FBXO4: variants seen among roughly 807,000 people sequenced by gnomAD.
The protein encoded by FBXO4 is F-box only protein 4.
Under a neutral mutation model 43.7 loss-of-function variants are expected in FBXO4, and 36 were observed. The ratio of observed to expected loss-of-function variants is 0.82; its 90% CI spans 0.63 to 1.09. The LOEUF (loss-of-function observed/expected upper bound fraction) is 1.09, where lower values mean the gene tolerates loss of function less well. FBXO4 is among the 50% of genes least tolerant of loss of function. The pLI, the probability that FBXO4 is intolerant of heterozygous loss-of-function variation, is 0.00. For synonymous variants in FBXO4, 180 were observed against 165.6 expected, an observed-to-expected ratio of 1.09 and a Z score of -0.67; for missense variants, 435 against 474.1, an observed-to-expected ratio of 0.92 and a Z score of 0.77.
chr5:42,028,586 C>A, the FBXO4 span, among the ~76,000 whole-genome samples: 12 of 151,362 alleles, frequency 7.9e-5, no homozygotes, highest in African/African-American at 2.9e-4. Context: ...TCTGGTTGTC[C>A]TGTGCTCATC....
At chr5:42,017,247 A>T in the FBXO4 span, among the ~76,000 whole-genome samples, 1 of 152,044 alleles carries the variant, frequency 6.6e-6, no homozygotes, top group African/African-American at 2.4e-5. Context: ...AAGAAAGAAA[A>T]AACTTAAAAA....
At chr5:42,005,165 C>G in the FBXO4 span, among the ~76,000 whole-genome samples, 4 of 152,102 alleles carry the variant, frequency 2.6e-5, no homozygotes, top group African/African-American at 7.2e-5. Context: ...GAAGATACAG[C>G]CGGAGAACCT....
In FBXO4 at chr5:41,941,491, C is replaced by CA; in HGVS notation, c.*214dup. On this transcript the variant is annotated 3_prime_UTR_variant, in exon 7 of 7. Coordinates refer to ENST00000281623, the MANE Select transcript of FBXO4 (RefSeq NM_012176.3). ...GAGTTTCAGTCCTAGTATTTAGCCC[C>CA]AAAATGAACCTTTAAACATTTTTTT... 1 of 316,028 alleles carries CA rather than the reference C, an allele frequency of 3.2e-6. No individual in the cohort carries two copies. Among genetic ancestry groups the CA allele is most frequent in the East Asian group, 5.0e-5 (1 of 20,050 alleles). 19.6% of individuals were successfully genotyped at this position (316,028 alleles called of 1,614,324 possible).
At chr5:41,944,746 A>T (rs549847973), downstream of FBXO4, among the ~76,000 whole-genome samples, 22 of 152,342 alleles carry the variant, frequency 1.4e-4, no homozygotes, top group Non-Finnish European at 3.1e-4. Context: ...AGCAATTTAG[A>T]GCCATTAGCA....
At chr5:41,992,457 A>G in the FBXO4 span, among the ~76,000 whole-genome samples, 1 of 152,138 alleles carries the variant, frequency 6.6e-6, no homozygotes, top group Non-Finnish European at 1.5e-5. Flanking sequence ...TTCCATTGCT[A>G]AAAGGAAAAA....
chr5:42,025,568 TG>T, the FBXO4 span, among the ~76,000 whole-genome samples: 4 of 152,080 alleles, frequency 2.6e-5, no homozygotes, highest in African/African-American at 9.6e-5. Context: ...TATTCATTTT[TG>T]CTTTGGTTGC....
chr5:41,992,466 A>G, the FBXO4 span, among the ~76,000 whole-genome samples: 1 of 152,302 alleles, frequency 6.6e-6, no homozygotes, highest in East Asian at 1.9e-4. Context: ...TAAAAGGAAA[A>G]ATGGAGAAGC....
At chr5:41,931,783 C>G (rs973537070) in intron 3 of FBXO4, among the ~76,000 whole-genome samples, 3 of 152,118 alleles carry the variant, frequency 2.0e-5, no homozygotes, top group African/African-American at 7.2e-5. Context: ...GAGACAGGTG[C>G]TGAAATGTTC....
chr5:41,982,403 C>T, the FBXO4 span, among the ~76,000 whole-genome samples: 2 of 152,110 alleles, frequency 1.3e-5, no homozygotes, highest in African/African-American at 4.8e-5. Flanking sequence ...ACATCCTTTC[C>T]AGCTCCTGTT....
chr5:41,927,038 C>T lies in FBXO4; in HGVS notation c.215C>T (p.Ser72Phe), dbSNP rs1483433481. ...LPIDVQLYILSFLSPHDLCQL... is the reference protein window; with the variant it reads ...LPIDVQLYILFFLSPHDLCQL... Reference sequence around the variant, plus strand: ...ATTGATGTACAGCTATATATTTTGTCCTTTCTTTCACCTCATGATCTGTGT... The same window carrying T: ...ATTGATGTACAGCTATATATTTTGTTCTTTCTTTCACCTCATGATCTGTGT... Residue 72 changes from serine (S) to phenylalanine (F), a missense_variant, in exon 2 of 7, where the codon TCC becomes TTC. Physicochemically the swap from Ser to Phe is radical, Grantham distance 155. Coordinates refer to ENST00000281623, the MANE Select transcript of FBXO4 (RefSeq NM_012176.3). The T allele has an allele frequency of 1.2e-6, 2 of 1,610,586 alleles. No homozygotes were observed. The highest frequency in any genetic ancestry group is 1.3e-5 in the African/African-American group (1 of 74,718).
chr5:42,007,504 A>T, the FBXO4 span, among the ~76,000 whole-genome samples: 1 of 152,112 alleles, frequency 6.6e-6, no homozygotes, highest in Non-Finnish European at 1.5e-5. Flanking sequence ...TACTAACTAC[A>T]TATTATCCGT....
intron 5 of FBXO4, among the ~76,000 whole-genome samples, chr5:41,938,882 G>T (rs190526189): frequency 6.6e-6 from 1 of 152,176 alleles, no homozygotes; most frequent in African/African-American, 2.4e-5. Flanking sequence ...CAGCAATGGA[G>T]AATCTCCCTG....
chr5:42,034,144 T>G, the FBXO4 span, among the ~76,000 whole-genome samples: 1 of 152,240 alleles, frequency 6.6e-6, no homozygotes, highest in Admixed American at 6.5e-5. Context: ...TCATGTTTGT[T>G]GGCTGCATAA....
chr5:41,942,291 A>T (rs1752018034), downstream of FBXO4, among the ~76,000 whole-genome samples: 1 of 152,108 alleles, frequency 6.6e-6, no homozygotes, highest in African/African-American at 2.4e-5. Context: ...CAGAATGTTT[A>T]CTTAGATATT....
chr5:41,961,305 T>G, the FBXO4 span, among the ~76,000 whole-genome samples: 1 of 152,102 alleles, frequency 6.6e-6, no homozygotes, highest in African/African-American at 2.4e-5. Flanking sequence ...TTTCTCTCAC[T>G]GGGGAAGTTG....
In FBXO4 at chr5:41,933,825, A is replaced by G. The variant is rs571836740; in HGVS notation, c.647-121A>G. 85 of 681,690 alleles carry G rather than the reference A, an allele frequency of 1.2e-4. No homozygotes were observed. In the African/African-American group the frequency reaches 1.4e-3, roughly 11 times the overall value. The allele number at this position is 681,690 out of a possible 1,614,324, so 42.2% of individuals were successfully genotyped here. On this transcript the variant is annotated intron_variant, in intron 3 of 6. Transcript: ENST00000281623. ...AACGTATACATTTTATTTCAACTCT[A>G]TGTATAAGTTGTTATAGAATTTTTT...
the FBXO4 span, among the ~76,000 whole-genome samples, chr5:41,982,610 T>C: frequency 6.6e-6 from 1 of 152,170 alleles, no homozygotes; most frequent in Non-Finnish European, 1.5e-5. Context: ...AATATTTATT[T>C]ACAAAATCAT....
chr5:41,976,544 A>C, the FBXO4 span, among the ~76,000 whole-genome samples: 1 of 152,262 alleles, frequency 6.6e-6, no homozygotes, highest in African/African-American at 2.4e-5. Context: ...CCAGCAGGGC[A>C]GGCGTTAAAT....
the FBXO4 span, among the ~76,000 whole-genome samples, chr5:42,031,848 G>A: frequency 6.6e-6 from 1 of 151,888 alleles, no homozygotes; most frequent in Non-Finnish European, 1.5e-5. Context: ...TAGATATTCG[G>A]TAAGACTTGA....
Sources: allele counts gnomAD v4.1 joint callset (sites outside exome capture counted in the v4.1 genomes callset), GRCh38; gene constraint gnomAD v4.1.1; transcripts MANE v1.5; gene names NCBI Gene and HGNC (gene_info 2026-07-23, HGNC 2026-07-21).